RAB27B: variants seen among roughly 807,000 people sequenced by gnomAD.
RAB27B encodes the protein ras-related protein Rab-27B.
Under a neutral mutation model 24.6 loss-of-function variants are expected in RAB27B, and 15 were observed. The observed-to-expected ratio is 0.61, with a 90% CI of 0.41 to 0.94. RAB27B has a LOEUF of 0.94. RAB27B is among the 40% of genes least tolerant of loss of function. The probability of loss-of-function intolerance (pLI) is 0.00; values close to 1 mark genes in which losing one functional copy is unlikely to be tolerated. For missense variants in RAB27B, 261 were observed against 266.8 expected (o/e 0.98, Z 0.15); for synonymous variants, 105 against 92.5 (o/e 1.14, Z -0.78).
chr18:54,781,431 G>T lies in RAB27B; in HGVS notation c.-20+63290G>T, dbSNP rs147113363. Among the ~76,000 whole-genome samples the T allele has an allele frequency of 4.1e-4, 62 of 152,110 alleles. No individual in the cohort carries two copies. In the East Asian group the frequency reaches 8.5e-3, roughly 21 times the overall value. ...ACCACACTTTATTAGTATTAGCCAT[G>T]ATTCAAGGTCCAGAGAGCTTGCCTA... On this transcript the variant is annotated intron_variant, in intron 2 of 4. Coordinates refer to the RAB27B transcript ENST00000586570.
Position 54,739,807 on chromosome 18 carries a change from C to T in RAB27B, c.-20+21666C>T, listed in dbSNP as rs144082963. ...ATTCTTAATATTTTTAAGTTTAACC[C>T]TTCTAGTGGGTATGTAGTGGTATCT... On this transcript the variant is annotated intron_variant, in intron 2 of 4. Coordinates refer to the RAB27B transcript ENST00000586570. Among the ~76,000 whole-genome samples, 31 of 152,210 alleles carry T rather than the reference C, an allele frequency of 2.0e-4. 2 individuals are homozygous for T. In the East Asian group the frequency reaches 3.5e-3, roughly 17 times the overall value.
At chr18:54,758,056 A>G (rs922389016) in intron 2 of RAB27B, among the ~76,000 whole-genome samples, 12 of 152,068 alleles carry the variant, frequency 7.9e-5, no homozygotes, top group Non-Finnish European at 1.3e-4. Context: ...TCTGTTGAGT[A>G]TTAGGTGTAA....
intron 2 of RAB27B, among the ~76,000 whole-genome samples, chr18:54,733,656 C>CCCA (rs1568045945): frequency 1.5e-5 from 2 of 134,040 alleles, no homozygotes; most frequent in Non-Finnish European, 3.3e-5. Flanking sequence ...TAGAGCCCCC[C>CCCA]CCCCCCAAAT....
chr18:54,771,995 T>C, intron 2 of RAB27B, among the ~76,000 whole-genome samples: 1 of 152,194 alleles, frequency 6.6e-6, no homozygotes, highest in Non-Finnish European at 1.5e-5. Flanking sequence ...ACACATTGAC[T>C]CACACACATT....
intron 5 of RAB27B, among the ~76,000 whole-genome samples, chr18:54,888,610 G>A (rs1913241562): frequency 6.6e-6 from 1 of 151,482 alleles, no homozygotes; most frequent in South Asian, 2.1e-4. Flanking sequence ...AGCTTGAATG[G>A]CAGCTTAAAA....
At chr18:54,873,685 CTG>C (rs56409312) in intron 1 of RAB27B, among the ~76,000 whole-genome samples, 14,402 of 140,566 alleles carry the variant, frequency 0.1, 817 homozygotes, top group African/African-American at 0.16. Context: ...GAGCCAAATC[CTG>C]TGTGTGTGTG....
chr18:54,863,058 T>C (rs1365250648), intron 1 of RAB27B, among the ~76,000 whole-genome samples: 1 of 152,210 alleles, frequency 6.6e-6, no homozygotes. Context: ...GTTGAATGTG[T>C]AGTGTTGTGG....
At chr18:54,774,037 AT>A (rs552009242) in intron 2 of RAB27B, among the ~76,000 whole-genome samples, 2 of 151,950 alleles carry the variant, frequency 1.3e-5, no homozygotes, top group East Asian at 1.9e-4. Context: ...TACAACTTCT[AT>A]TTTTTTTCCT....
In RAB27B at chr18:54,892,046, T is replaced by G. The variant is rs1327509616; in HGVS notation, c.*2633T>G. 6.6e-6 allele frequency: 1 copy of G among 152,086 alleles called. No individual in the cohort carries two copies. Among genetic ancestry groups the G allele is most frequent in the African/African-American group, 2.4e-5 (1 of 41,434 alleles). 9.4% of individuals were successfully genotyped at this position (152,086 alleles called of 1,614,324 possible). A position where few individuals can be genotyped will look rare whatever the true frequency, so the allele number is the denominator to read the frequency against. On this transcript the variant is annotated 3_prime_UTR_variant, in exon 6 of 6. Coordinates refer to ENST00000262094, the MANE Select transcript of RAB27B (RefSeq NM_004163.4). Reference sequence around the variant, plus strand: ...TGTAATTCATTTTACAATTTCAAATTGTTCTGGTGCCATAAAGTATACAGA... The same window carrying G: ...TGTAATTCATTTTACAATTTCAAATGGTTCTGGTGCCATAAAGTATACAGA...
chr18:54,796,695 G>A (rs927828534), intron 2 of RAB27B, among the ~76,000 whole-genome samples: 2 of 152,180 alleles, frequency 1.3e-5, no homozygotes, highest in African/African-American at 4.8e-5. Context: ...TAAGGTCTTG[G>A]TTTATATGGA....
At chr18:54,853,851 C>A (rs375230949) in intron 1 of RAB27B, among the ~76,000 whole-genome samples, 1 of 152,074 alleles carries the variant, frequency 6.6e-6, no homozygotes, top group Non-Finnish European at 1.5e-5. Context: ...TGTTTTTTCA[C>A]CTCACATTAT....
intron 4 of RAB27B, among the ~76,000 whole-genome samples, chr18:54,887,381 A>T (rs1287764937): frequency 1.3e-5 from 2 of 152,046 alleles, no homozygotes; most frequent in Non-Finnish European, 2.9e-5. Flanking sequence ...TTTACTGAAT[A>T]CTTACTATGT....
intron 2 of RAB27B, among the ~76,000 whole-genome samples, chr18:54,764,344 T>C (rs1165716984): frequency 1.3e-5 from 2 of 152,194 alleles, no homozygotes; most frequent in Non-Finnish European, 2.9e-5. Context: ...GACTTTGTAA[T>C]TCAATTCTGT....
At chr18:54,871,242 G>A (rs1236639066) in intron 1 of RAB27B, among the ~76,000 whole-genome samples, 1 of 152,138 alleles carries the variant, frequency 6.6e-6, no homozygotes, top group Non-Finnish European at 1.5e-5. Flanking sequence ...TCAGAAACGT[G>A]CCTTCTGTTC....
chr18:54,835,338 C>T (rs1910853161), intron 1 of RAB27B, among the ~76,000 whole-genome samples: 1 of 151,888 alleles, frequency 6.6e-6, no homozygotes. Flanking sequence ...AGGAGCAATG[C>T]AACCTGTTTG....
At chr18:54,842,548 A>G (rs1757680877) in intron 1 of RAB27B, among the ~76,000 whole-genome samples, 1 of 152,220 alleles carries the variant, frequency 6.6e-6, no homozygotes, top group Admixed American at 6.5e-5. Context: ...ATCAAGAAAG[A>G]TAAACAAGAT....
intron 2 of RAB27B, among the ~76,000 whole-genome samples, chr18:54,759,777 G>A (rs1908124751): frequency 6.6e-6 from 1 of 152,170 alleles, no homozygotes; most frequent in Non-Finnish European, 1.5e-5. Context: ...TGTTGGAGAG[G>A]AGCAGCCTGA....
In RAB27B at chr18:54,888,018, T is replaced by A; in HGVS notation, c.367T>A (p.Cys123Ser). The change falls in exon 5 of 6, where the codon TGT becomes AGT. Residue 123 changes from cysteine (C) to serine (S), a missense_variant. Physicochemically the swap from Cys to Ser is moderately radical, Grantham distance 112. Coordinates refer to ENST00000262094, the MANE Select transcript of RAB27B (RefSeq NM_004163.4). ...WMSQLQANAY[C>S]ENPDIVLIGN... ...AGGCCAACTGCAAGCAAATGCTTAT[T>A]GTGAAAATCCAGATATAGTATTAAT... The A allele has an allele frequency of 1.2e-6, 2 of 1,612,404 alleles. No individual in the cohort carries two copies.
chr18:54,813,483 G>A (rs1444797561), intron 2 of RAB27B, among the ~76,000 whole-genome samples: 2 of 152,162 alleles, frequency 1.3e-5, no homozygotes, highest in Non-Finnish European at 2.9e-5. Context: ...GTAATGAGTG[G>A]AAATGAGTTC....
Sources: gnomAD v4.1 joint callset for allele counts (sites outside exome capture counted in the v4.1 genomes callset) on GRCh38, gnomAD v4.1.1 for gene constraint, MANE v1.5 for transcripts, NCBI Gene and HGNC (gene_info 2026-07-23, HGNC 2026-07-21) for gene names.